C3orf49: variants seen among roughly 807,000 people sequenced by gnomAD.
The protein encoded by C3orf49 is putative uncharacterized protein C3orf49.
Under a neutral mutation model 13.3 loss-of-function variants are expected in C3orf49, and 27 were observed. The observed-to-expected ratio is 2.02, with a 90% CI of 1.49 to 2.79. The LOEUF (loss-of-function observed/expected upper bound fraction) is 2.79. C3orf49 is among the 30% of genes most tolerant of loss of function. The probability of loss-of-function intolerance (pLI) is 0.00; values close to 1 mark genes in which losing one functional copy is unlikely to be tolerated. For synonymous variants in C3orf49, 87 were observed against 47.6 expected, an observed-to-expected ratio of 1.83 and a Z score of -3.40; for missense variants, 242 against 134.2, an observed-to-expected ratio of 1.80 and a Z score of -3.97.
the C3orf49 span, among the ~76,000 whole-genome samples, chr3:63,802,804 C>T: frequency 3.3e-5 from 5 of 152,080 alleles, no homozygotes; most frequent in Admixed American, 6.6e-5. Context: ...ACTGAAGGAG[C>T]TGTGGTTGAA....
the C3orf49 span, among the ~76,000 whole-genome samples, chr3:63,809,706 C>A: frequency 4.6e-5 from 7 of 152,212 alleles, no homozygotes; most frequent in African/African-American, 1.7e-4. Flanking sequence ...TTGCACACAT[C>A]AAGCAGTCTG....
intron 5 of C3orf49, among the ~76,000 whole-genome samples, chr3:63,837,222 CA>C (rs1201412200): frequency 1.3e-5 from 2 of 151,844 alleles, no homozygotes; most frequent in Non-Finnish European, 2.9e-5. Context: ...CAAAACAACA[CA>C]AAAACAGAGA....
the C3orf49 span, among the ~76,000 whole-genome samples, chr3:63,799,033 T>C: frequency 2.4e-4 from 37 of 152,098 alleles, no homozygotes; most frequent in Non-Finnish European, 4.0e-4. Context: ...AATGTCAACA[T>C]TTTAGGTGGG....
At chr3:63,790,018 C>A in the C3orf49 span, among the ~76,000 whole-genome samples, 1 of 152,098 alleles carries the variant, frequency 6.6e-6, no homozygotes, top group Admixed American at 6.5e-5. Flanking sequence ...CTTCCTAGCA[C>A]AAATCCTTAT....
chr3:63,806,761 C>T, the C3orf49 span, among the ~76,000 whole-genome samples: 1 of 152,204 alleles, frequency 6.6e-6, no homozygotes, highest in Non-Finnish European at 1.5e-5. Flanking sequence ...TTAGACATCA[C>T]TTTCTTCAGA....
At chr3:63,843,169 A>T (rs894009602) in intron 5 of C3orf49, among the ~76,000 whole-genome samples, 2 of 151,980 alleles carry the variant, frequency 1.3e-5, no homozygotes, top group Admixed American at 1.3e-4. Context: ...TCCAGGCTAG[A>T]GTACAGTGGC....
intron 1 of C3orf49, among the ~76,000 whole-genome samples, chr3:63,822,341 A>T (rs2107095830): frequency 6.6e-6 from 1 of 152,350 alleles, no homozygotes; most frequent in African/African-American, 2.4e-5. Flanking sequence ...TTTTAATTTA[A>T]AAAACACCGA....
At chr3:63,797,950 A>G in the C3orf49 span, among the ~76,000 whole-genome samples, 1 of 152,202 alleles carries the variant, frequency 6.6e-6, no homozygotes, top group East Asian at 1.9e-4. Flanking sequence ...TTCATCTTTC[A>G]CCTTTCATCT....
the C3orf49 span, among the ~76,000 whole-genome samples, chr3:63,780,964 C>G: frequency 6.6e-6 from 1 of 151,764 alleles, no homozygotes; most frequent in African/African-American, 2.4e-5. Flanking sequence ...ATGGTAGTTT[C>G]TTTTGCTGTG....
In C3orf49 at chr3:63,840,791, A is replaced by G. The variant is rs142428625; in HGVS notation, c.850-4232A>G. ...CTATCAGATTGGCAAAAGATCTGAT[A>G]AAACTGTTGGCAAGGGTGTTAGAAA... On this transcript the variant is annotated intron_variant, in intron 5 of 6. Coordinates refer to ENST00000295896, the MANE Select transcript of C3orf49 (RefSeq NM_001355236.2). 2.2e-3 allele frequency among the ~76,000 whole-genome samples: 334 copies of G among 152,330 alleles called. 1 individual carries two copies. The highest frequency in any genetic ancestry group is 7.0e-3 in the African/African-American group (291 of 41,574).
At chr3:63,785,712 G>A in the C3orf49 span, among the ~76,000 whole-genome samples, 1 of 152,184 alleles carries the variant, frequency 6.6e-6, no homozygotes, top group African/African-American at 2.4e-5. Context: ...TTCCACAGCA[G>A]GATGCAAATG....
At chr3:63,822,054 C>T (rs553739110) in intron 1 of C3orf49, among the ~76,000 whole-genome samples, 2 of 152,158 alleles carry the variant, frequency 1.3e-5, no homozygotes, top group African/African-American at 4.8e-5. Context: ...CGGCTCACTG[C>T]AAGCTCTGCC....
chr3:63,821,223 G>A (rs982819953), intron 1 of C3orf49, among the ~76,000 whole-genome samples: 2 of 152,174 alleles, frequency 1.3e-5, no homozygotes, highest in Non-Finnish European at 2.9e-5. Context: ...TGTCTAGGCT[G>A]TCACTGAACC....
the C3orf49 span, among the ~76,000 whole-genome samples, chr3:63,802,769 A>G: frequency 6.6e-6 from 1 of 152,120 alleles, no homozygotes; most frequent in Non-Finnish European, 1.5e-5. Context: ...AGTCCAATAA[A>G]TTACCCAAGG....
At chr3:63,824,491 A>G (rs1701440840) in intron 2 of C3orf49, among the ~76,000 whole-genome samples, 1 of 152,220 alleles carries the variant, frequency 6.6e-6, no homozygotes, top group African/African-American at 2.4e-5. Flanking sequence ...CCTATGAGTC[A>G]TGACTAACAA....
chr3:63,798,672 G>C, the C3orf49 span, among the ~76,000 whole-genome samples: 1 of 152,082 alleles, frequency 6.6e-6, no homozygotes, highest in South Asian at 2.1e-4. Context: ...TTGTAACCCA[G>C]TCATGAGTAC....
At chr3:63,825,617 C>T (rs1305500784) in intron 2 of C3orf49, among the ~76,000 whole-genome samples, 3 of 152,178 alleles carry the variant, frequency 2.0e-5, no homozygotes, top group Admixed American at 6.5e-5. Flanking sequence ...ACATGCTCAT[C>T]CTTTAGGATG....
intron 3 of C3orf49, among the ~76,000 whole-genome samples, chr3:63,830,782 C>A (rs981428504): frequency 2.0e-5 from 3 of 152,184 alleles, no homozygotes; most frequent in Non-Finnish European, 4.4e-5. Context: ...CGGCCCCACA[C>A]TCTTACTGTG....
chr3:63,798,838 G>A, the C3orf49 span, among the ~76,000 whole-genome samples: 1 of 152,212 alleles, frequency 6.6e-6, no homozygotes, highest in Non-Finnish European at 1.5e-5. Context: ...ATATGGCCCA[G>A]GAACAAATTC....
Sources: allele counts gnomAD v4.1 joint callset (sites outside exome capture counted in the v4.1 genomes callset), GRCh38; gene constraint gnomAD v4.1.1; transcripts MANE v1.5; gene names NCBI Gene and HGNC (gene_info 2026-07-23, HGNC 2026-07-21).